Variants in MACROD1 observed in about 807,000 individuals in gnomAD.
MACROD1 encodes the protein ADP-ribose glycohydrolase MACROD1.
In MACROD1, 31 loss-of-function variants were observed where a neutral mutation model predicts 41.4. The ratio of observed to expected loss-of-function variants is 0.75; its 90% CI spans 0.56 to 1.01. MACROD1 has a LOEUF of 1.01. MACROD1 is among the 50% of genes least tolerant of loss of function. MACROD1 has a pLI of 0.00. For missense variants in MACROD1, 473 were observed against 460.0 expected, an observed-to-expected ratio of 1.03 and a Z score of -0.26; for synonymous variants, 252 against 203.4, an observed-to-expected ratio of 1.24 and a Z score of -2.03.
Position 64,010,476 on chromosome 11 carries a change from G to A in MACROD1, c.547+4776C>T, listed in dbSNP as rs113492401. Among the ~76,000 whole-genome samples, 974 of 151,306 alleles carry A rather than the reference G, an allele frequency of 6.4e-3. 5 individuals are homozygous for A. Among genetic ancestry groups the A allele is most frequent in the African/African-American group, 0.023 (929 of 41,110 alleles). ...TGGGGTGCTGGCTGGCATGTTGGTT[G>A]GGGTGTTGGCTGGGGTGTTGGTTGG... On this transcript the variant is annotated intron_variant, in intron 4 of 10. Coordinates refer to ENST00000255681, the MANE Select transcript of MACROD1 (RefSeq NM_014067.4).
Position 64,090,187 on chromosome 11 carries a change from G to T in MACROD1, c.517+61052C>A, listed in dbSNP as rs944100330. Among the ~76,000 whole-genome samples the T allele has an allele frequency of 6.6e-6, 1 of 152,140 alleles. No individual in the cohort carries two copies. The highest frequency in any genetic ancestry group is 1.9e-4 in the East Asian group (1 of 5,192). Reference sequence around the variant, plus strand: ...TCCCAGGCCCCAGGTTTCAGGCCCCGAACAGCCTGAGTCCACAGGGTGACA... The same window carrying T: ...TCCCAGGCCCCAGGTTTCAGGCCCCTAACAGCCTGAGTCCACAGGGTGACA... On this transcript the variant is annotated intron_variant, in intron 3 of 10. Transcript: ENST00000255681. This position sits in a 1 kb window ranked among gnomAD's most constrained non-coding sequence, Gnocchi z 4.7.
chr11:64,017,001 G>A (rs1331217144), intron 3 of MACROD1, among the ~76,000 whole-genome samples: 2 of 152,142 alleles, frequency 1.3e-5, no homozygotes, highest in Admixed American at 6.5e-5. Flanking sequence ...ATGGAGTCTG[G>A]CTCTGTGGCC....
intron 3 of MACROD1, among the ~76,000 whole-genome samples, chr11:64,088,643 C>A (rs1394163809): frequency 1.3e-5 from 2 of 152,196 alleles, no homozygotes; most frequent in African/African-American, 4.8e-5. Flanking sequence ...ACCAGGCCAC[C>A]CTTATTGGTT....
intron 3 of MACROD1, among the ~76,000 whole-genome samples, chr11:64,087,625 C>CCCCGGCCA (rs1348825999): frequency 6.6e-6 from 1 of 152,228 alleles, no homozygotes; most frequent in Non-Finnish European, 1.5e-5. Flanking sequence ...TTGCCCGCGG[C>CCCCGGCCA]CCCAGCCACC....
At chr11:64,130,182 T>C (rs1395982164) in intron 3 of MACROD1, among the ~76,000 whole-genome samples, 1 of 152,140 alleles carries the variant, frequency 6.6e-6, no homozygotes, top group African/African-American at 2.4e-5. Flanking sequence ...AGGACTTGCA[T>C]TATCACTGAG....
chr11:64,118,001 C>G (rs1462665646), intron 3 of MACROD1: 4 of 1,613,680 alleles, frequency 2.5e-6, no homozygotes, highest in Middle Eastern at 1.6e-4. Flanking sequence ...GGTACGTGCA[C>G]CAGGCTGGCG....
intron 1 of MACROD1, among the ~76,000 whole-genome samples, chr11:64,158,310 G>C (rs774590728): frequency 1.3e-5 from 2 of 152,232 alleles, no homozygotes; most frequent in Non-Finnish European, 2.9e-5. Flanking sequence ...AGCAGAGAGA[G>C]GAGACAGGCC....
At chr11:64,079,430 G>A (rs1053450950) in intron 3 of MACROD1, among the ~76,000 whole-genome samples, 4 of 152,154 alleles carry the variant, frequency 2.6e-5, no homozygotes, top group African/African-American at 9.7e-5. Context: ...AAGACAGTGG[G>A]TGTTGAAGCC....
At chr11:64,006,187 A>G (rs1298222217) in intron 4 of MACROD1, among the ~76,000 whole-genome samples, 1 of 152,170 alleles carries the variant, frequency 6.6e-6, no homozygotes, top group Non-Finnish European at 1.5e-5. Context: ...CGGATAAGTG[A>G]CCTACCCAAG....
intron 4 of MACROD1, chr11:64,001,230 C>T (rs1942820637): frequency 1.7e-6 from 1 of 597,422 alleles, no homozygotes; most frequent in Non-Finnish European, 3.0e-6. Context: ...CGGGCTCACC[C>T]CTCATCGGCT....
At position 64,064,676 on chromosome 11, in the gene MACROD1, C is replaced by T. The variant is rs903050516; in HGVS notation, c.518-49395G>A. Among the ~76,000 whole-genome samples the T allele has an allele frequency of 2.7e-5, 4 of 148,520 alleles. No individual in the cohort carries two copies. Among genetic ancestry groups the T allele is most frequent in the South Asian group, 2.3e-4 (1 of 4,398 alleles). ...CCTCTGGCAGGACATTAAACGGCAC[C>T]GAGATAGAAGGAGGGGGGCCCTCCC... On this transcript the variant is annotated intron_variant, in intron 3 of 10. Coordinates refer to ENST00000255681, the MANE Select transcript of MACROD1 (RefSeq NM_014067.4). This position sits in a 1 kb window ranked among gnomAD's most constrained non-coding sequence, Gnocchi z 4.5.
chr11:64,005,907 G>A lies in MACROD1; in HGVS notation c.548-5564C>T, dbSNP rs566492203. Among the ~76,000 whole-genome samples the A allele has an allele frequency of 5.9e-5, 9 of 152,342 alleles. No individual in the cohort carries two copies. In the South Asian group the frequency reaches 1.9e-3, roughly 32 times the overall value. On this transcript the variant is annotated intron_variant, in intron 4 of 10. Coordinates refer to ENST00000255681, the MANE Select transcript of MACROD1 (RefSeq NM_014067.4). ...CTCCCCTCCAGCCCAGGAAGGACCAGGGGTCTGGGCTCCAGGGACCACTCC... is the reference window on the plus strand; with the variant it reads ...CTCCCCTCCAGCCCAGGAAGGACCAAGGGTCTGGGCTCCAGGGACCACTCC...
At chr11:64,094,559 C>T (rs930781024) in intron 3 of MACROD1, among the ~76,000 whole-genome samples, 3 of 152,280 alleles carry the variant, frequency 2.0e-5, no homozygotes, top group African/African-American at 4.8e-5. Context: ...GTGAAGGCCT[C>T]CTGAGTCATC....
At chr11:64,058,613 GC>G (rs1943837607) in intron 3 of MACROD1, among the ~76,000 whole-genome samples, 1 of 152,246 alleles carries the variant, frequency 6.6e-6, no homozygotes, top group Admixed American at 6.5e-5. Context: ...AGCGGGCACG[GC>G]CCTGTAATTG....
intron 3 of MACROD1, among the ~76,000 whole-genome samples, chr11:64,093,763 C>T (rs549192883): frequency 7.2e-4 from 110 of 152,306 alleles, no homozygotes; most frequent in African/African-American, 2.5e-3. Context: ...CTCTAAGAGC[C>T]CAGAACAGAA....
intron 3 of MACROD1, chr11:64,116,713 G>A (rs1190717753): frequency 9.3e-6 from 15 of 1,613,696 alleles, no homozygotes; most frequent in African/African-American, 2.7e-5. Flanking sequence ...TCGCTGGCCC[G>A]CATCCCGCTG....
intron 3 of MACROD1, among the ~76,000 whole-genome samples, chr11:64,072,037 C>T (rs747421079): frequency 7.9e-5 from 12 of 152,206 alleles, no homozygotes; most frequent in Non-Finnish European, 1.2e-4. Flanking sequence ...TATTGACCGC[C>T]GCGCGCACTA....
At chr11:64,045,349 T>G (rs1943564171) in intron 3 of MACROD1, among the ~76,000 whole-genome samples, 1 of 151,834 alleles carries the variant, frequency 6.6e-6, no homozygotes, top group Admixed American at 6.6e-5. Context: ...TTTTTCATTG[T>G]TCCCCGAGTT....
intron 3 of MACROD1, among the ~76,000 whole-genome samples, chr11:64,081,178 T>C (rs1310468392): frequency 1.3e-5 from 2 of 152,180 alleles, no homozygotes; most frequent in Non-Finnish European, 2.9e-5. Context: ...TCCACCACCA[T>C]GCCTAGCTAA....
Sources: gnomAD v4.1 joint callset for allele counts (sites outside exome capture counted in the v4.1 genomes callset) on GRCh38, gnomAD v4.1.1 for gene constraint, Gnocchi (gnomAD v3.1) non-coding constraint, MANE v1.5 for transcripts, NCBI Gene and HGNC (gene_info 2026-07-23, HGNC 2026-07-21) for gene names.